MAN1A1: variants seen among roughly 807,000 people sequenced by gnomAD.
MAN1A1 encodes mannosidase alpha class 1A member 1, also known as mannosyl-oligosaccharide 1,2-alpha-mannosidase IA.
A neutral mutation model predicts 70.8 loss-of-function variants in MAN1A1; 29 were observed. The observed-to-expected ratio is 0.41, with a 90% CI of 0.31 to 0.56. MAN1A1 has a LOEUF of 0.56. MAN1A1 is among the 20% of genes least tolerant of loss of function. The pLI, the probability that MAN1A1 is intolerant of heterozygous loss-of-function variation, is 0.29. For missense variants in MAN1A1, 747 were observed against 841.3 expected (o/e 0.89, Z 1.39); for synonymous variants, 349 against 330.1 (o/e 1.06, Z -0.62).
intron 4 of MAN1A1, among the ~76,000 whole-genome samples, chr6:119,291,631 T>C (rs1362010619): frequency 2.6e-5 from 4 of 152,024 alleles, no homozygotes; most frequent in Admixed American, 6.6e-5. Flanking sequence ...TCAACATTAG[T>C]CTAGGAATCT....
chr6:119,261,465 C>T (rs188139692), intron 5 of MAN1A1, among the ~76,000 whole-genome samples: 9 of 152,240 alleles, frequency 5.9e-5, no homozygotes, highest in Admixed American at 3.3e-4. Context: ...ACTTGGGATA[C>T]GTAAGTAAAC....
upstream of MAN1A1, among the ~76,000 whole-genome samples, chr6:119,350,046 G>C (rs1469784271): frequency 6.6e-6 from 1 of 152,172 alleles, no homozygotes; most frequent in Non-Finnish European, 1.5e-5. Flanking sequence ...GCGGCAGGCA[G>C]AGTTCGGGGT....
At position 119,235,135 on chromosome 6, in the gene MAN1A1, A is replaced by G. The variant is rs140508633; in HGVS notation, c.992+13125T>C. On this transcript the variant is annotated intron_variant, in intron 6 of 12. Coordinates refer to ENST00000368468, the MANE Select transcript of MAN1A1 (RefSeq NM_005907.4). The stretch of plus-strand genomic sequence containing the variant: ...ACCTTCCATTCCTTGAGATACTACA[A>G]TATTGGAATCAGGCCAATTAATAAC... 3.5e-3 allele frequency among the ~76,000 whole-genome samples: 536 copies of G among 152,310 alleles called. 1 individual carries two copies. The highest frequency in any genetic ancestry group is 8.8e-3 in the Admixed American group (135 of 15,294).
intron 6 of MAN1A1, among the ~76,000 whole-genome samples, chr6:119,225,017 C>T (rs1774466618): frequency 1.3e-5 from 2 of 152,068 alleles, no homozygotes; most frequent in Non-Finnish European, 2.9e-5. Context: ...ATCCTAGCTA[C>T]TCAGGAGGCT....
intron 5 of MAN1A1, among the ~76,000 whole-genome samples, chr6:119,277,079 A>C (rs1208672233): frequency 6.6e-6 from 1 of 152,226 alleles, no homozygotes; most frequent in Non-Finnish European, 1.5e-5. Flanking sequence ...TATAAAATAA[A>C]TATCAATTGT....
intron 4 of MAN1A1, among the ~76,000 whole-genome samples, chr6:119,300,274 G>C (rs1209698219): frequency 7.3e-6 from 1 of 137,724 alleles, no homozygotes; most frequent in East Asian, 2.2e-4. Context: ...TTTTTTTTTT[G>C]AGACGGCGTC....
At chr6:119,260,212 A>G (rs1011624177) in intron 5 of MAN1A1, among the ~76,000 whole-genome samples, 6 of 152,216 alleles carry the variant, frequency 3.9e-5, no homozygotes. Flanking sequence ...CAGCTCTGGT[A>G]GTATAAAAAC....
At chr6:119,302,510 T>A (rs1256331855) in intron 3 of MAN1A1, among the ~76,000 whole-genome samples, 1 of 151,988 alleles carries the variant, frequency 6.6e-6, no homozygotes, top group Non-Finnish European at 1.5e-5. Context: ...GCCTCCTGAG[T>A]AGCTGGGACT....
intron 3 of MAN1A1, among the ~76,000 whole-genome samples, chr6:119,304,350 A>G (rs914906808): frequency 6.6e-6 from 1 of 152,182 alleles, no homozygotes; most frequent in African/African-American, 2.4e-5. Context: ...TAAAGTGGGC[A>G]TTTTGAAATA....
chr6:119,254,397 TTTTGA>T (rs746848661), intron 5 of MAN1A1, among the ~76,000 whole-genome samples: 8 of 152,300 alleles, frequency 5.3e-5, no homozygotes, highest in East Asian at 1.9e-4. Context: ...TCATTTCTGT[TTTTGA>T]TTTATCACTG....
chr6:119,319,387 A>ATC (rs1562240878), intron 2 of MAN1A1, among the ~76,000 whole-genome samples: 1,692 of 140,828 alleles, frequency 0.012, 37 homozygotes, highest in African/African-American at 0.039. Context: ...TAATAATAAT[A>ATC]ATAATCATCA....
chr6:119,268,248 T>A (rs1775813398), intron 5 of MAN1A1, among the ~76,000 whole-genome samples: 1 of 152,208 alleles, frequency 6.6e-6, no homozygotes, highest in African/African-American at 2.4e-5. Context: ...AGGGGCAAGA[T>A]AAATGCCTGA....
intron 5 of MAN1A1, among the ~76,000 whole-genome samples, chr6:119,268,140 C>T (rs1384567145): frequency 1.3e-5 from 2 of 152,160 alleles, no homozygotes; most frequent in South Asian, 2.1e-4. Context: ...TGGTGATTTT[C>T]TACTTTTATC....
chr6:119,220,983 C>A (rs905190966), intron 6 of MAN1A1, among the ~76,000 whole-genome samples: 1 of 151,446 alleles, frequency 6.6e-6, no homozygotes, highest in Non-Finnish European at 1.5e-5. Context: ...TATAAAAAGA[C>A]AATAAAAGAA....
rs373911155 is a variant in MAN1A1 at position 119,250,648 on chromosome 6, C to CTCTCTGTGTGTG, written c.898-2295_898-2294insCACACACAGAGA. On this transcript the variant is annotated intron_variant, in intron 5 of 12. Transcript: ENST00000368468. Reference sequence around the variant, plus strand: ...CAGACTCCTCTCTCTTGTTCTCTCTCTGTGTGTGTGTGTGTGTGTGTGTGT... The same window carrying CTCTCTGTGTGTG: ...CAGACTCCTCTCTCTTGTTCTCTCTCTCTCTGTGTGTGTGTGTGTGTGTGTGTGTGTGTGTGT... 3.4e-5 allele frequency among the ~76,000 whole-genome samples: 5 copies of CTCTCTGTGTGTG among 148,636 alleles called. No individual in the cohort carries two copies. The East Asian group carries it at 1.0e-3, about 30-fold the overall frequency.
rs1278460527 is a variant in MAN1A1, at chr6:119,179,129, A to C, written c.*690T>G. The stretch of plus-strand genomic sequence containing the variant: ...TCCAGAAATGACACAGGGCATTTAA[A>C]GTAAAATTAAAGGACACATTTACAA... On this transcript the variant is annotated 3_prime_UTR_variant, in exon 13 of 13. Transcript: ENST00000368468. 6.6e-6 allele frequency: 1 copy of C among 152,250 alleles called. No individual in the cohort carries two copies. 9.4% of individuals were successfully genotyped at this position (152,250 alleles called of 1,614,324 possible).
intron 5 of MAN1A1, among the ~76,000 whole-genome samples, chr6:119,278,761 T>A (rs1382621039): frequency 6.6e-6 from 1 of 152,026 alleles, no homozygotes; most frequent in East Asian, 1.9e-4. Context: ...GATGAATGAG[T>A]TCTTGCTCTG....
At chr6:119,196,222 T>TA (rs541226210) in intron 8 of MAN1A1, among the ~76,000 whole-genome samples, 85 of 151,696 alleles carry the variant, frequency 5.6e-4, no homozygotes, top group Non-Finnish European at 9.1e-4. Flanking sequence ...GGATTTTTTT[T>TA]AAAAAAGAAA....
chr6:119,303,632 T>C (rs1772453602), intron 3 of MAN1A1, among the ~76,000 whole-genome samples: 1 of 152,150 alleles, frequency 6.6e-6, no homozygotes, highest in Admixed American at 6.6e-5. Context: ...TACTAAGAAG[T>C]TCCAGGGGCT....
Sources: gnomAD v4.1 joint callset for allele counts (sites outside exome capture counted in the v4.1 genomes callset) on GRCh38, gnomAD v4.1.1 for gene constraint, MANE v1.5 for transcripts, NCBI Gene and HGNC (gene_info 2026-07-23, HGNC 2026-07-21) for gene names.